Variants in PRKN observed in about 807,000 individuals in gnomAD.
PRKN encodes the protein E3 ubiquitin-protein ligase parkin.
In PRKN, 56 loss-of-function variants were observed where a neutral mutation model predicts 59.5. That is an observed-to-expected ratio of 0.94 (90% CI 0.76 to 1.18). PRKN has a LOEUF of 1.18. Among genes scored for constraint, PRKN ranks in the 50% most tolerant of loss-of-function variants. The pLI is 0.00. For missense variants in PRKN, 657 were observed against 596.4 expected, an observed-to-expected ratio of 1.10 and a Z score of -1.06; for synonymous variants, 250 against 222.1, an observed-to-expected ratio of 1.13 and a Z score of -1.12.
intron 4 of PRKN, among the ~76,000 whole-genome samples, chr6:162,107,430 A>G (rs1227228870): frequency 6.6e-6 from 1 of 152,182 alleles, no homozygotes; most frequent in Non-Finnish European, 1.5e-5. Flanking sequence ...GCACCTCTGT[A>G]CTCCAGCCTG....
rs1182870276 is a variant in PRKN, at chr6:161,458,519, C to A, written c.1084-71642G>T. On this transcript the variant is annotated intron_variant, in intron 9 of 11. Transcript: ENST00000366898. This position sits in a 1 kb window ranked among gnomAD's most constrained non-coding sequence, Gnocchi z 6.1. ...GTTTACTGCAGAGCCAGTGTTTGAACCAAATGCTCAGTAATGTGAAAACAT... is the reference window on the plus strand; with the variant it reads ...GTTTACTGCAGAGCCAGTGTTTGAAACAAATGCTCAGTAATGTGAAAACAT... 6.6e-6 allele frequency among the ~76,000 whole-genome samples: 1 copy of A among 152,126 alleles called. No individual in the cohort carries two copies. The highest frequency in any genetic ancestry group is 6.6e-5 in the Admixed American group (1 of 15,266).
chr6:162,403,400 C>T lies in PRKN; in HGVS notation c.171+39910G>A, dbSNP rs538940973. 5.3e-5 allele frequency among the ~76,000 whole-genome samples: 8 copies of T among 152,238 alleles called. 1 individual carries two copies. In the South Asian group the frequency reaches 1.0e-3, roughly 20 times the overall value. The stretch of plus-strand genomic sequence containing the variant: ...TTCTTGTCAAAGAGGTCGACCACTC[C>T]GCCTTATTTAGAACTGCACTCTCTG... On this transcript the variant is annotated intron_variant, in intron 2 of 11. Transcript: ENST00000366898.
intron 1 of PRKN, among the ~76,000 whole-genome samples, chr6:162,677,464 GAGAA>G (rs1779597204): frequency 2.2e-5 from 1 of 45,688 alleles, no homozygotes; most frequent in Non-Finnish European, 3.8e-5. Flanking sequence ...AAGCACTGTG[GAGAA>G]AAAAAAAAAA....
chr6:161,475,562 G>C lies in PRKN; in HGVS notation c.1083+73292C>G, dbSNP rs577732656. The stretch of plus-strand genomic sequence containing the variant: ...TCTGTGGCCCAGGCTGGAGTGCCGC[G>C]GTGCAATACAACTTGCCGCAGTCTT... On this transcript the variant is annotated intron_variant, in intron 9 of 11. Coordinates refer to ENST00000366898, the MANE Select transcript of PRKN (RefSeq NM_004562.3). The surrounding 1 kb of genome is among the most constrained non-coding windows in gnomAD (Gnocchi z 5.3). 6.6e-6 allele frequency among the ~76,000 whole-genome samples: 1 copy of C among 152,178 alleles called. No individual in the cohort carries two copies. The highest frequency in any genetic ancestry group is 2.4e-5 in the African/African-American group (1 of 41,518).
At chr6:162,336,726 T>C (rs1783863357) in intron 2 of PRKN, among the ~76,000 whole-genome samples, 1 of 152,194 alleles carries the variant, frequency 6.6e-6, no homozygotes, top group Non-Finnish European at 1.5e-5. Flanking sequence ...ATAAAGTTCA[T>C]TAGACTTTAC....
At chr6:162,457,265 A>G (rs919745368) in intron 1 of PRKN, among the ~76,000 whole-genome samples, 1 of 152,196 alleles carries the variant, frequency 6.6e-6, no homozygotes, top group Non-Finnish European at 1.5e-5. Flanking sequence ...GAAATGAAAA[A>G]GTTTGTAAAA....
At chr6:162,500,834 T>C (rs1168389368) in intron 1 of PRKN, among the ~76,000 whole-genome samples, 2 of 152,150 alleles carry the variant, frequency 1.3e-5, no homozygotes. Flanking sequence ...TATTTAATAT[T>C]ATTTCTTAAA....
intron 6 of PRKN, among the ~76,000 whole-genome samples, chr6:161,810,624 C>T (rs1024628857): frequency 5.3e-5 from 8 of 152,138 alleles, no homozygotes; most frequent in East Asian, 3.9e-4. Context: ...TGGCTGCTAA[C>T]TGTAGGAGTG....
At chr6:161,939,418 C>CAAAAAAAAA (rs34604240) in intron 6 of PRKN, among the ~76,000 whole-genome samples, 3 of 39,578 alleles carry the variant, frequency 7.6e-5, no homozygotes, top group African/African-American at 3.3e-4. Context: ...GACTCTGTCT[C>CAAAAAAAAA]AAAAAAAAAA....
intron 2 of PRKN, among the ~76,000 whole-genome samples, chr6:162,403,247 C>T (rs1257094080): frequency 6.6e-6 from 1 of 152,084 alleles, no homozygotes; most frequent in Non-Finnish European, 1.5e-5. Context: ...ACTCTGGCCT[C>T]CAGCCTCTCC....
intron 6 of PRKN, among the ~76,000 whole-genome samples, chr6:161,863,457 A>C (rs2128225138): frequency 6.6e-6 from 1 of 152,344 alleles, no homozygotes; most frequent in South Asian, 2.1e-4. Flanking sequence ...TATGTTTAAC[A>C]AGTATGCCCC....
intron 4 of PRKN, among the ~76,000 whole-genome samples, chr6:162,139,340 A>G (rs1027437823): frequency 1.3e-5 from 2 of 152,222 alleles, no homozygotes; most frequent in South Asian, 2.1e-4. Flanking sequence ...TAGAATAAGT[A>G]TCTACAAAAA....
At chr6:162,256,890 T>C (rs2128098286) in intron 3 of PRKN, among the ~76,000 whole-genome samples, 1 of 152,318 alleles carries the variant, frequency 6.6e-6, no homozygotes, top group Middle Eastern at 3.4e-3. Flanking sequence ...ACAAGTACTT[T>C]ACTTAACTTC....
At chr6:161,370,611 AGC>A (rs1785407284) in intron 10 of PRKN, among the ~76,000 whole-genome samples, 1 of 146,962 alleles carries the variant, frequency 6.8e-6, no homozygotes. Flanking sequence ...AAAAAAAAAA[AGC>A]CGAATTAGCG....
At chr6:162,411,187 C>T (rs968339653) in intron 2 of PRKN, among the ~76,000 whole-genome samples, 1 of 152,068 alleles carries the variant, frequency 6.6e-6, no homozygotes. Flanking sequence ...TAAATGGCAA[C>T]TCAAAAAATA....
chr6:162,114,907 C>T (rs1780599998), intron 4 of PRKN, among the ~76,000 whole-genome samples: 1 of 151,910 alleles, frequency 6.6e-6, no homozygotes. Flanking sequence ...GGATTGTAAA[C>T]TAGTTCAACC....
At chr6:161,988,682 A>T (rs1004534137) in intron 5 of PRKN, among the ~76,000 whole-genome samples, 6 of 152,180 alleles carry the variant, frequency 3.9e-5, no homozygotes, top group Non-Finnish European at 1.5e-5. Context: ...ATCATGAGTG[A>T]AAGCTCAGAG....
intron 4 of PRKN, among the ~76,000 whole-genome samples, chr6:162,176,559 T>C (rs563081787): frequency 7.2e-4 from 110 of 151,940 alleles, no homozygotes; most frequent in African/African-American, 2.6e-3. Context: ...TCACACCACA[T>C]ATGAAAGGAA....
chr6:162,675,270 G>C (rs752612614), intron 1 of PRKN, among the ~76,000 whole-genome samples: 1 of 151,920 alleles, frequency 6.6e-6, no homozygotes. Flanking sequence ...GAATGGTCTC[G>C]ATCTCTTGAC....
Sources: gnomAD v4.1 joint callset for allele counts (sites outside exome capture counted in the v4.1 genomes callset) on GRCh38, gnomAD v4.1.1 for gene constraint, Gnocchi (gnomAD v3.1) non-coding constraint, MANE v1.5 for transcripts, NCBI Gene and HGNC (gene_info 2026-07-23, HGNC 2026-07-21) for gene names.